Variants in CD4 observed in about 807,000 individuals in gnomAD.
CD4 encodes the protein T-cell surface glycoprotein CD4.
Under a neutral mutation model 50.5 loss-of-function variants are expected in CD4, and 25 were observed. The ratio of observed to expected loss-of-function variants is 0.49; its 90% CI spans 0.36 to 0.69. The LOEUF (loss-of-function observed/expected upper bound fraction) is 0.69, where lower values mean the gene tolerates loss of function less well. CD4 is among the 30% of genes least tolerant of loss of function. CD4 has a pLI of 0.00. For missense variants in CD4, 456 were observed against 548.5 expected (o/e 0.83, Z 1.68); for synonymous variants, 207 against 221.9 (o/e 0.93, Z 0.60).
At chr12:6,812,992 C>G (rs914686613) in intron 3 of CD4, among the ~76,000 whole-genome samples, 1 of 151,914 alleles carries the variant, frequency 6.6e-6, no homozygotes, top group Non-Finnish European at 1.5e-5. Context: ...ACTGCAGCCT[C>G]GACCTCCTGG....
intron 3 of CD4, among the ~76,000 whole-genome samples, chr12:6,806,426 A>T (rs565419221): frequency 1.3e-5 from 2 of 152,106 alleles, no homozygotes; most frequent in Non-Finnish European, 2.9e-5. Context: ...CAGAGGTTGC[A>T]GTGAGCCAAG....
At chr12:6,794,786 G>GTTTTTTTTTTTTTTTTTTTTTTTTTT (rs1220016459) in intron 1 of CD4, among the ~76,000 whole-genome samples, 2 of 105,396 alleles carry the variant, frequency 1.9e-5, no homozygotes, top group Non-Finnish European at 3.8e-5. Context: ...TTTTTTTTTT[G>GTTTTTTTTTTTTTTTTTTTTTTTTTT]TTTTTTTTTT....
rs782140051 is a variant in CD4, at chr12:6,819,445, C to T, written c.*116C>T. ...CAGCCTCTGGCCTCCTGTTCGCCTC[C>T]TCTACAATTTGCCATTGTTTCTCCT... is the stretch of plus-strand genomic sequence containing the variant. On this transcript the variant is annotated 3_prime_UTR_variant, in exon 10 of 10. Coordinates refer to ENST00000011653, the MANE Select transcript of CD4 (RefSeq NM_000616.5). 2.1e-6 allele frequency: 2 copies of T among 971,730 alleles called. No individual in the cohort carries two copies. Among genetic ancestry groups the T allele is most frequent in the East Asian group, 2.4e-5 (1 of 41,810 alleles). The allele number at this position is 971,730 out of a possible 1,614,324, so 60.2% of individuals were successfully genotyped here.
chr12:6,805,276 C>A lies in CD4; in HGVS notation c.214+4805C>A, dbSNP rs782394572. Among the ~76,000 whole-genome samples, 3 of 149,682 alleles carry A rather than the reference C, an allele frequency of 2.0e-5. No individual in the cohort carries two copies. The South Asian group carries it at 6.3e-4, about 32-fold the overall frequency. ...CTTAGGTGTAAATCTAAAAAACATGCGTAGGGCCAGGTGCAGTGGCTCATG... is the reference window on the plus strand; with the variant it reads ...CTTAGGTGTAAATCTAAAAAACATGAGTAGGGCCAGGTGCAGTGGCTCATG... On this transcript the variant is annotated intron_variant, in intron 3 of 9. Coordinates refer to ENST00000011653, the MANE Select transcript of CD4 (RefSeq NM_000616.5).
intron 7 of CD4, among the ~76,000 whole-genome samples, chr12:6,817,699 C>A (rs1350276540): frequency 6.6e-6 from 1 of 151,676 alleles, no homozygotes; most frequent in African/African-American, 2.4e-5. Flanking sequence ...CATGCACACA[C>A]TCCCATACAC....
At chr12:6,793,158 C>CT in intron 1 of CD4, among the ~76,000 whole-genome samples, 1 of 152,206 alleles carries the variant, frequency 6.6e-6, no homozygotes, top group African/African-American at 2.4e-5. Context: ...AGCAAGCATG[C>CT]TGGAAACCCA....
chr12:6,814,018 G>C, intron 3 of CD4, 124 bp from the exon 4 acceptor site: 1 of 826,732 alleles, frequency 1.2e-6, no homozygotes, highest in South Asian at 1.7e-5. Context: ...TCTCTGATTA[G>C]AACGAGGAGC....
intron 1 of CD4, among the ~76,000 whole-genome samples, chr12:6,790,997 C>T (rs1942139052): frequency 6.6e-6 from 1 of 152,184 alleles, no homozygotes; most frequent in Non-Finnish European, 1.5e-5. Flanking sequence ...TAGGCTGATA[C>T]AAAATGGCCG....
At chr12:6,804,700 T>TC (rs1555115879) in intron 3 of CD4, among the ~76,000 whole-genome samples, 13 of 152,134 alleles carry the variant, frequency 8.5e-5, no homozygotes, top group South Asian at 2.1e-4. Context: ...TAGTGAGACC[T>TC]TGTCTCTACA....
chr12:6,795,509 C>A (rs948808621), intron 1 of CD4, among the ~76,000 whole-genome samples: 1 of 152,218 alleles, frequency 6.6e-6, no homozygotes, highest in Non-Finnish European at 1.5e-5. Context: ...TAGTGCCCAG[C>A]AGGAAACACA....
At chr12:6,804,617 A>T (rs1555115863) in intron 3 of CD4, among the ~76,000 whole-genome samples, 1 of 152,230 alleles carries the variant, frequency 6.6e-6, no homozygotes, top group African/African-American at 2.4e-5. Flanking sequence ...TCACACCTGT[A>T]ATTCCTGCAC....
rs1425514864 is a variant in CD4, at chr12:6,816,499, T to C, written c.955+96T>C. The C allele has an allele frequency of 2.0e-6, 2 of 1,024,086 alleles. No homozygotes were observed. Among genetic ancestry groups the C allele is most frequent in the South Asian group, 1.7e-5 (1 of 59,752 alleles). The allele number at this position is 1,024,086 out of a possible 1,614,324, so 63.4% of individuals were successfully genotyped here. A position where few individuals can be genotyped will look rare whatever the true frequency, so the allele number is the denominator to read the frequency against. On this transcript the variant is annotated intron_variant, in intron 6 of 9. Transcript: ENST00000011653. The surrounding 1 kb of genome is among the most constrained non-coding windows in gnomAD (Gnocchi z 4.9). ...AGGCAAGCCAGGCCCCAAGAGGGGATGCCTAGGCCCTGGTCACCTGGATGA... is the reference window on the plus strand; with the variant it reads ...AGGCAAGCCAGGCCCCAAGAGGGGACGCCTAGGCCCTGGTCACCTGGATGA...
intron 1 of CD4, among the ~76,000 whole-genome samples, chr12:6,799,856 C>T (rs1555114912): frequency 2.6e-5 from 4 of 152,096 alleles, no homozygotes; most frequent in Admixed American, 2.6e-4. Context: ...GCTCCTTATT[C>T]ACTTATTTAT....
Position 6,814,316 on chromosome 12 carries a change from G to A in CD4, c.373+16G>A. On this transcript the variant is annotated intron_variant, in intron 4 of 9. Coordinates refer to ENST00000011653, the MANE Select transcript of CD4 (RefSeq NM_000616.5). ...GTGTTCGGATGTGAGTGGGGCAGGT[G>A]GGGATGAGGATACCTCCTGCCTGGT... 6.2e-7 allele frequency: 1 copy of A among 1,610,958 alleles called. No individual in the cohort carries two copies. Among genetic ancestry groups the A allele is most frequent in the Non-Finnish European group, 8.5e-7 (1 of 1,178,042 alleles).
intron 3 of CD4, among the ~76,000 whole-genome samples, chr12:6,808,269 C>G (rs1468873168): frequency 2.9e-4 from 43 of 148,452 alleles, no homozygotes; most frequent in Admixed American, 2.6e-3. Flanking sequence ...CTGGCTAACA[C>G]AGTGAAACCC....
chr12:6,796,521 C>G (rs560192675), intron 1 of CD4, among the ~76,000 whole-genome samples: 1 of 152,206 alleles, frequency 6.6e-6, no homozygotes, highest in Non-Finnish European at 1.5e-5. Context: ...CCTGCTCCAG[C>G]CTTCCTTTGA....
chr12:6,812,727 CAT>C (rs782392381), intron 3 of CD4, among the ~76,000 whole-genome samples: 16 of 151,548 alleles, frequency 1.1e-4, no homozygotes, highest in Admixed American at 2.0e-4. Context: ...TCTTCCTACA[CAT>C]GAGTATTCAC....
chr12:6,801,558 AGTTT>A (rs138583756), intron 3 of CD4, among the ~76,000 whole-genome samples: 5,294 of 147,960 alleles, frequency 0.036, 342 homozygotes, highest in African/African-American at 0.13. Flanking sequence ...TATTATTATT[AGTTT>A]ATTTATTTAT....
rs200271394 is a variant in CD4 at position 6,819,631 on chromosome 12, T to A, written c.*302T>A. On this transcript the variant is annotated 3_prime_UTR_variant, in exon 10 of 10. Transcript: ENST00000011653. ...TGCTCATTTGGATCCCAGGGGAGTG[T>A]TCAGGGCCAGCCCTGGCTGGCATGG... The A allele has an allele frequency of 9.1e-6, 4 of 439,996 alleles. No individual in the cohort carries two copies. Among genetic ancestry groups the A allele is most frequent in the South Asian group, 2.5e-5 (1 of 40,382 alleles). 27.3% of individuals were successfully genotyped at this position (439,996 alleles called of 1,614,324 possible).
Sources: gnomAD v4.1 joint callset for allele counts (sites outside exome capture counted in the v4.1 genomes callset) on GRCh38, gnomAD v4.1.1 for gene constraint, Gnocchi (gnomAD v3.1) non-coding constraint, MANE v1.5 for transcripts, NCBI Gene and HGNC (gene_info 2026-07-23, HGNC 2026-07-21) for gene names.